GALNT14: variants seen among roughly 807,000 people sequenced by gnomAD.
GALNT14 encodes UDP-GalNAc:polypeptide N-acetylgalactosaminyltransferase 14.
Under a neutral mutation model 77.5 loss-of-function variants are expected in GALNT14, and 60 were observed. That is an observed-to-expected ratio of 0.77 (90% confidence interval 0.63 to 0.96). The LOEUF is 0.96. GALNT14 is among the 40% of genes least tolerant of loss of function. The pLI, the probability that GALNT14 is intolerant of heterozygous loss-of-function variation, is 0.00. For missense variants in GALNT14, 710 were observed against 731.0 expected (o/e 0.97, Z 0.33); for synonymous variants, 280 against 281.7 (o/e 0.99, Z 0.06).
rs1447957428 is a variant in GALNT14, at chr2:31,004,113, C to T, written c.130-11106G>A. On this transcript the variant is annotated intron_variant, in intron 1 of 14. Transcript: ENST00000349752. ...ATGAGGACTGAGAGAGCTGGTCCTA[C>T]CCACACGCTTTATTTCTGCATCCCC... 3.9e-5 allele frequency among the ~76,000 whole-genome samples: 6 copies of T among 152,334 alleles called. No individual in the cohort carries two copies. In the South Asian group the frequency reaches 1.0e-3, roughly 26 times the overall value.
chr2:31,092,736 G>A (rs568210372), intron 1 of GALNT14, among the ~76,000 whole-genome samples: 79 of 152,284 alleles, frequency 5.2e-4, no homozygotes, highest in African/African-American at 1.8e-3. Flanking sequence ...GTCATTACAT[G>A]TATTCACAGA....
chr2:31,063,657 G>T (rs1009163050), intron 1 of GALNT14, among the ~76,000 whole-genome samples: 4 of 152,142 alleles, frequency 2.6e-5, no homozygotes, highest in Non-Finnish European at 5.9e-5. Flanking sequence ...GGGCAGTATG[G>T]CCACTTTCAC....
chr2:31,037,046 G>A (rs1031116031), intron 1 of GALNT14, among the ~76,000 whole-genome samples: 9 of 152,122 alleles, frequency 5.9e-5, no homozygotes, highest in African/African-American at 2.2e-4. Flanking sequence ...TTTGAGGAGT[G>A]TTTGGCTATT....
chr2:30,963,157 C>T (rs753872587), intron 3 of GALNT14, among the ~76,000 whole-genome samples: 14 of 152,288 alleles, frequency 9.2e-5, no homozygotes, highest in Non-Finnish European at 1.8e-4. Flanking sequence ...AGTCGTCTGG[C>T]ACGTCATGGG....
rs186163399 is a variant in GALNT14, at chr2:31,073,882, T to C, written c.129+64076A>G. Reference sequence around the variant, plus strand: ...GGATGGTCCAAGTGAGAGAAGATGGTGGCAGCTGTGCTAAGGGGAGGAACA... The same window carrying C: ...GGATGGTCCAAGTGAGAGAAGATGGCGGCAGCTGTGCTAAGGGGAGGAACA... On this transcript the variant is annotated intron_variant, in intron 1 of 14. Transcript: ENST00000349752. Among the ~76,000 whole-genome samples, 765 of 152,294 alleles carry C rather than the reference T, an allele frequency of 5.0e-3. 9 individuals carry two copies. The highest frequency in any genetic ancestry group is 0.018 in the African/African-American group (743 of 41,554).
intron 3 of GALNT14, among the ~76,000 whole-genome samples, chr2:30,964,137 G>C (rs138592264): frequency 6.7e-4 from 102 of 152,276 alleles, no homozygotes; most frequent in Admixed American, 1.3e-3. Context: ...GATGGGCAGG[G>C]AGAGGCCAGC....
intron 1 of GALNT14, among the ~76,000 whole-genome samples, chr2:31,127,432 CATAA>C (rs774562135): frequency 1.3e-5 from 2 of 152,168 alleles, no homozygotes; most frequent in Non-Finnish European, 2.9e-5. Flanking sequence ...TATCTGCTTC[CATAA>C]ATAAAGTTTT....
intron 1 of GALNT14, among the ~76,000 whole-genome samples, chr2:31,056,507 C>G (rs1264072204): frequency 6.6e-6 from 1 of 152,132 alleles, no homozygotes; most frequent in African/African-American, 2.4e-5. Context: ...ATCACTGAGC[C>G]ATCACTCACC....
chr2:31,133,667 A>T (rs1679090313), intron 1 of GALNT14, among the ~76,000 whole-genome samples: 1 of 152,246 alleles, frequency 6.6e-6, no homozygotes, highest in Non-Finnish European at 1.5e-5. Flanking sequence ...TGATATTTTT[A>T]AAATTTTAGT....
In GALNT14 at chr2:30,934,159, C is replaced by T. The variant is rs1009767936; in HGVS notation, c.932-1965G>A. On this transcript the variant is annotated intron_variant, in intron 9 of 14. Transcript: ENST00000349752. ...CATTTGGCTGGGGCACTGTTTGAAT[C>T]GTTTTTCACATGAGTCATTGAGCAA... 2.0e-5 allele frequency among the ~76,000 whole-genome samples: 3 copies of T among 152,178 alleles called. No homozygotes were observed. In the East Asian group the frequency reaches 5.8e-4, roughly 29 times the overall value.
chr2:30,916,435 G>A (rs1329765058), intron 13 of GALNT14, among the ~76,000 whole-genome samples: 1 of 152,218 alleles, frequency 6.6e-6, no homozygotes, highest in Admixed American at 6.5e-5. Context: ...CAAAGCTGTA[G>A]CCATGGAAGG....
chr2:30,899,024 T>G, the GALNT14 span, among the ~76,000 whole-genome samples: 1 of 152,212 alleles, frequency 6.6e-6, no homozygotes, highest in African/African-American at 2.4e-5. Context: ...CAGAATAAAA[T>G]AGAAGGCCAA....
intron 1 of GALNT14, among the ~76,000 whole-genome samples, chr2:31,130,328 G>A (rs140970537): frequency 3.9e-5 from 6 of 152,298 alleles, no homozygotes; most frequent in South Asian, 2.1e-4. Context: ...TCTCAGAGGT[G>A]GCTGCTCCTG....
intron 2 of GALNT14, among the ~76,000 whole-genome samples, chr2:30,982,710 G>A (rs1253518433): frequency 1.3e-5 from 2 of 152,234 alleles, no homozygotes; most frequent in Non-Finnish European, 2.9e-5. Flanking sequence ...TTAACTTGAT[G>A]TAGGTACTTG....
At chr2:31,006,222 G>T (rs551755911) in intron 1 of GALNT14, among the ~76,000 whole-genome samples, 2 of 152,100 alleles carry the variant, frequency 1.3e-5, no homozygotes, top group Non-Finnish European at 2.9e-5. Context: ...TTCTTGCCAG[G>T]CAAAGATAAC....
At chr2:31,080,147 T>C (rs543483630) in intron 1 of GALNT14, among the ~76,000 whole-genome samples, 1 of 152,240 alleles carries the variant, frequency 6.6e-6, no homozygotes, top group South Asian at 2.1e-4. Context: ...GAATATGCAG[T>C]GAAAACAGTA....
At chr2:31,046,422 G>T (rs538754563) in intron 1 of GALNT14, among the ~76,000 whole-genome samples, 1 of 152,196 alleles carries the variant, frequency 6.6e-6, no homozygotes, top group African/African-American at 2.4e-5. Context: ...TAGAGACGGG[G>T]TTTCACTATG....
chr2:31,116,845 C>T (rs1291482536), intron 1 of GALNT14, among the ~76,000 whole-genome samples: 1 of 152,110 alleles, frequency 6.6e-6, no homozygotes, highest in Non-Finnish European at 1.5e-5. Context: ...AGGTGACCAG[C>T]CTCACCAACA....
chr2:30,892,464 A>G, the GALNT14 span, among the ~76,000 whole-genome samples: 5 of 152,236 alleles, frequency 3.3e-5, no homozygotes, highest in African/African-American at 7.2e-5. Context: ...TGGGGGCAGT[A>G]GTGGAAACCA....
Sources: allele counts gnomAD v4.1 joint callset (sites outside exome capture counted in the v4.1 genomes callset), GRCh38; gene constraint gnomAD v4.1.1; transcripts MANE v1.5; gene names NCBI Gene and HGNC (gene_info 2026-07-23, HGNC 2026-07-21).